ZNF185: variants seen among roughly 807,000 people sequenced by gnomAD.
ZNF185 encodes zinc finger protein 185.
Under a neutral mutation model 58.6 loss-of-function variants are expected in ZNF185, and 56 were observed. That is an observed-to-expected ratio of 0.95 (90% CI 0.77 to 1.19). ZNF185 has a LOEUF of 1.19. ZNF185 is among the 50% of genes most tolerant of loss of function. The pLI is 0.00. For missense variants in ZNF185, 627 were observed against 573.5 expected, an observed-to-expected ratio of 1.09 and a Z score of -0.95; for synonymous variants, 230 against 215.9, an observed-to-expected ratio of 1.07 and a Z score of -0.57.
exon 23 of ZNF185, chrX:152,972,748 A>G (rs1434664724): frequency 9.0e-6 from 1 of 111,536 alleles, no homozygotes; most frequent in East Asian, 2.8e-4. Flanking sequence ...AAGCCTGTCC[A>G]TGCAGTCAGC....
intron 15 of ZNF185, chrX:152,941,960 C>T (rs2047256857): frequency 2.2e-6 from 2 of 925,777 alleles, no homozygotes; most frequent in Non-Finnish European, 2.8e-6. Flanking sequence ...CGCAGGGAGC[C>T]CTGGGGCCAT....
At chrX:152,959,641 G>A in intron 16 of ZNF185, 58 bp from the exon 19 acceptor site, 1 of 1,134,130 alleles carries the variant, frequency 8.8e-7, no homozygotes, top group Non-Finnish European at 1.2e-6. Context: ...TACCTGCCAT[G>A]GGAGAACAAA....
At chrX:152,931,906 ACT>A in intron 13 of ZNF185, 130 bp downstream of exon 14, 1 of 201,552 alleles carries the variant, frequency 5.0e-6, no homozygotes, top group Non-Finnish European at 7.8e-6. Flanking sequence ...TCCTGTTCCC[ACT>A]GTTCCCCCAG....
chrX:152,952,128 C>T (rs2048359585), intron 16 of ZNF185, among the ~76,000 whole-genome samples: 1 of 112,013 alleles, frequency 8.9e-6, no homozygotes, highest in Non-Finnish European at 1.9e-5. Context: ...TTAGGAGGAA[C>T]ATACCCAAGT....
chrX:152,956,776 C>T (rs782492856), intron 16 of ZNF185, among the ~76,000 whole-genome samples: 5 of 106,063 alleles, frequency 4.7e-5, no homozygotes, highest in Admixed American at 1.9e-4. Context: ...TTTGACAATG[C>T]CTCCCATGAT....
intron 15 of ZNF185, among the ~76,000 whole-genome samples, chrX:152,939,776 G>GTTTTTTTTTT (rs57118182): frequency 2.0e-5 from 1 of 49,831 alleles, no homozygotes; most frequent in Non-Finnish European, 3.3e-5. Context: ...AATCAGAGGT[G>GTTTTTTTTTT]TTTTTTTTTT....
chrX:152,900,987 G>A, the ZNF185 span, among the ~76,000 whole-genome samples: 3 of 112,469 alleles, frequency 2.7e-5, no homozygotes, highest in Non-Finnish European at 3.8e-5. Flanking sequence ...GCTCTGTCAC[G>A]GAAGGTAGCT....
At chrX:152,962,892 C>A (rs974847623) in intron 17 of ZNF185, among the ~76,000 whole-genome samples, 1 of 112,980 alleles carries the variant, frequency 8.9e-6, no homozygotes, top group South Asian at 3.6e-4. Context: ...CCCCACTCTT[C>A]AACTAGTTGT....
At chrX:152,922,252 A>G in exon 10 of ZNF185, 1 of 1,179,327 alleles carries the variant, frequency 8.5e-7, no homozygotes, top group African/African-American at 1.8e-5. Flanking sequence ...TCCTGGCTCA[A>G]ACAGGTAATC....
intron 15 of ZNF185, among the ~76,000 whole-genome samples, chrX:152,944,933 G>A (rs1556893108): frequency 8.8e-6 from 1 of 113,048 alleles, no homozygotes; most frequent in Non-Finnish European, 1.9e-5. Context: ...GGCAGAGGTT[G>A]CAGTGAGCCG....
the ZNF185 span, among the ~76,000 whole-genome samples, chrX:152,903,404 A>G: frequency 9.3e-6 from 1 of 107,106 alleles, no homozygotes; most frequent in South Asian, 4.0e-4. Flanking sequence ...AAAAAAAAAA[A>G]AAAAAAAAAA....
intron 3 of ZNF185, among the ~76,000 whole-genome samples, 172 bp from the exon 5 acceptor site, chrX:152,916,959 G>A (rs12690074): frequency 0.14 from 15,973 of 112,270 alleles, 1,045 homozygotes; most frequent in African/African-American, 0.26. Flanking sequence ...AGAGCATAGC[G>A]GGCACCTGAT....
At chrX:152,968,558 G>T (rs1211599528) in intron 20 of ZNF185, among the ~76,000 whole-genome samples, 1 of 112,863 alleles carries the variant, frequency 8.9e-6, no homozygotes, top group East Asian at 2.8e-4. Context: ...AGGATTTCAA[G>T]CAGCACTGCT....
chrX:152,942,013 G>A (rs1313442057), intron 15 of ZNF185, among the ~76,000 whole-genome samples: 1 of 112,302 alleles, frequency 8.9e-6, no homozygotes, highest in Non-Finnish European at 1.9e-5. Flanking sequence ...GCTGCCCAGG[G>A]GGAGGGGGTG....
At chrX:152,900,337 T>A in the ZNF185 span, among the ~76,000 whole-genome samples, 1 of 112,854 alleles carries the variant, frequency 8.9e-6, no homozygotes. Flanking sequence ...CCTTCCTCCT[T>A]CCCTACTCAA....
intron 19 of ZNF185, among the ~76,000 whole-genome samples, chrX:152,966,894 G>A (rs1556915056): frequency 1.8e-5 from 2 of 110,514 alleles, no homozygotes; most frequent in Non-Finnish European, 3.8e-5. Flanking sequence ...ATCATAGGTG[G>A]GGAGGAAAGC....
intron 16 of ZNF185, among the ~76,000 whole-genome samples, chrX:152,957,046 T>G (rs1174870574): frequency 9.2e-6 from 1 of 108,567 alleles, no homozygotes; most frequent in Non-Finnish European, 1.9e-5. Flanking sequence ...TTTAGTATTA[T>G]CATACATAAA....
At chrX:152,971,005 C>T (rs1011904637) in intron 22 of ZNF185, among the ~76,000 whole-genome samples, 9 of 111,867 alleles carry the variant, frequency 8.0e-5, no homozygotes, top group African/African-American at 2.9e-4. Flanking sequence ...TGAAACAAGC[C>T]TCTGGGCCAC....
intron 17 of ZNF185, among the ~76,000 whole-genome samples, chrX:152,962,621 A>T (rs1488651258): frequency 8.9e-6 from 1 of 111,857 alleles, no homozygotes; most frequent in African/African-American, 3.3e-5. Context: ...CACCTTCTCC[A>T]GTCTCTATGG....
Sources: allele counts gnomAD v4.1 joint callset (sites outside exome capture counted in the v4.1 genomes callset), GRCh38; gene constraint gnomAD v4.1.1; transcripts MANE v1.5; gene names NCBI Gene and HGNC (gene_info 2026-07-23, HGNC 2026-07-21).